Variants in MYBPC1 observed in about 807,000 individuals in gnomAD.
MYBPC1 encodes myosin-binding protein C, slow-type.
MYBPC1 carries 52 observed loss-of-function variants against 147.1 expected under a neutral mutation model. That is an observed-to-expected ratio of 0.35 (90% CI 0.28 to 0.45). The LOEUF (loss-of-function observed/expected upper bound fraction) is 0.45, where lower values mean the gene tolerates loss of function less well. Among genes scored for constraint, MYBPC1 ranks in the 20% least tolerant of loss-of-function variants. The pLI is 1.00. For synonymous variants in MYBPC1, 477 were observed against 475.9 expected, an observed-to-expected ratio of 1.00 and a Z score of -0.03; for missense variants, 1,228 against 1,440.3, an observed-to-expected ratio of 0.85 and a Z score of 2.39.
Position 101,685,774 on chromosome 12 carries a change from C to A in MYBPC1, c.*212C>A, listed in dbSNP as rs375360626. The A allele has an allele frequency of 2.3e-6, 2 of 867,168 alleles. No homozygotes were observed. The highest frequency in any genetic ancestry group is 3.4e-6 in the Non-Finnish European group (2 of 593,674). 53.7% of individuals were successfully genotyped at this position (867,168 alleles called of 1,614,324 possible). On this transcript the variant is annotated 3_prime_UTR_variant, in exon 32 of 32. Coordinates refer to ENST00000361466, the MANE Select transcript of MYBPC1 (RefSeq NM_002465.4). The stretch of plus-strand genomic sequence containing the variant: ...ATTTTCTGTTTTCCCACCAGGCCCC[C>A]AAGTGTGGTCTTTTTCTTTCCTCCT...
In MYBPC1 at chr12:101,685,988, CT is replaced by C. The variant is rs891524416; in HGVS notation, c.*435del. On this transcript the variant is annotated 3_prime_UTR_variant, in exon 32 of 32. Coordinates refer to ENST00000361466, the MANE Select transcript of MYBPC1 (RefSeq NM_002465.4). Reference sequence around the variant, plus strand: ...TTGTTTACATAGTAGGCTATAAATGCTTTTTTTTTCCTCTCAGAGTAAAAAA... The same window carrying C: ...TTGTTTACATAGTAGGCTATAAATGCTTTTTTTTCCTCTCAGAGTAAAAAA... 1.7e-4 allele frequency: 30 copies of C among 175,222 alleles called. No individual in the cohort carries two copies. The highest frequency in any genetic ancestry group is 2.9e-4 in the South Asian group (2 of 6,878). 10.9% of individuals were successfully genotyped at this position (175,222 alleles called of 1,614,324 possible). A position where few individuals can be genotyped will look rare whatever the true frequency, so the allele number is the denominator to read the frequency against.
chr12:101,607,970 C>T (rs1882882723), intron 1 of MYBPC1, among the ~76,000 whole-genome samples: 1 of 152,142 alleles, frequency 6.6e-6, no homozygotes, highest in South Asian at 2.1e-4. Flanking sequence ...TACTGGGTCC[C>T]TAGTGTTTCT....
intron 9 of MYBPC1, among the ~76,000 whole-genome samples, chr12:101,636,222 G>A (rs1281166162): frequency 6.6e-6 from 1 of 152,096 alleles, no homozygotes; most frequent in African/African-American, 2.4e-5. Flanking sequence ...ATAAGGCTTT[G>A]TACTTATATA....
intron 1 of MYBPC1, 40 bp downstream of exon 1, chr12:101,595,135 T>TA: frequency 6.5e-7 from 1 of 1,545,684 alleles, no homozygotes; most frequent in African/African-American, 1.4e-5. Context: ...TACTCCTGAA[T>TA]AAAGTGTTTA....
At chr12:101,694,066 G>A in the MYBPC1 span, among the ~76,000 whole-genome samples, 77,946 of 152,012 alleles carry the variant, frequency 0.51, 20,988 homozygotes, top group Admixed American at 0.6. Context: ...ACACCATCGA[G>A]CTGCCATGTA....
intron 1 of MYBPC1, among the ~76,000 whole-genome samples, chr12:101,604,258 A>G (rs1357087363): frequency 6.6e-6 from 1 of 152,202 alleles, no homozygotes; most frequent in Non-Finnish European, 1.5e-5. Flanking sequence ...CCTGAGATGA[A>G]ACTTGCATAA....
chr12:101,675,591 G>A (rs1422294648), intron 26 of MYBPC1, among the ~76,000 whole-genome samples, 160 bp downstream of exon 26: 3 of 152,230 alleles, frequency 2.0e-5, no homozygotes, highest in Admixed American at 6.5e-5. Flanking sequence ...CACAGAGCTG[G>A]TCTTAAACCC....
intron 1 of MYBPC1, among the ~76,000 whole-genome samples, chr12:101,606,291 T>C (rs987448132): frequency 4.6e-5 from 7 of 152,088 alleles, no homozygotes; most frequent in Admixed American, 1.3e-4. Context: ...TTACACATTA[T>C]GTATCCTCTG....
chr12:101,631,870 C>A, intron 7 of MYBPC1, 151 bp downstream of exon 7: 2 of 1,336,268 alleles, frequency 1.5e-6, no homozygotes, highest in Non-Finnish European at 2.1e-6. Context: ...TTGCGATTGC[C>A]CGGCTGTGTC....
chr12:101,640,838 A>G (rs780886595), intron 10 of MYBPC1, among the ~76,000 whole-genome samples: 50 of 152,162 alleles, frequency 3.3e-4, no homozygotes, highest in Non-Finnish European at 6.3e-4. Flanking sequence ...GAGTGTAAAG[A>G]TGACACTCCA....
intron 28 of MYBPC1, among the ~76,000 whole-genome samples, chr12:101,678,534 A>G (rs946984587): frequency 6.6e-6 from 1 of 152,260 alleles, no homozygotes; most frequent in Non-Finnish European, 1.5e-5. Context: ...TTGGAAAATT[A>G]GGTGGTAATG....
chr12:101,678,345 G>GGATGGGGGATTAGAAGGTGGT, intron 28 of MYBPC1, 107 bp downstream of exon 28: 1 of 1,489,236 alleles, frequency 6.7e-7, no homozygotes, highest in South Asian at 1.1e-5. Flanking sequence ...TGTCTTCCCA[G>GGATGGGGGATTAGAAGGTGGT]GATGGGGGAT....
At chr12:101,617,385 A>G (rs1886372825) in intron 3 of MYBPC1, 142 bp downstream of exon 3, 2 of 826,160 alleles carry the variant, frequency 2.4e-6, no homozygotes, top group East Asian at 2.7e-5. Flanking sequence ...GCAAGTCCCA[A>G]TCAGTATAAT....
rs776992665 is a variant in MYBPC1 at position 101,661,219 on chromosome 12, G to A, written c.1989G>A (p.Met663Ile). 3 of 1,613,882 alleles carry A rather than the reference G, an allele frequency of 1.9e-6. No individual in the cohort carries two copies. Among genetic ancestry groups the A allele is most frequent in the South Asian group, 1.1e-5 (1 of 91,040 alleles). ...VTEVGDDWCIMNWEPPAYDGG... is the reference protein window; with the variant it reads ...VTEVGDDWCIINWEPPAYDGG... ...AGGTGGGAGATGACTGGTGTATCATGAACTGGGAGCCTCCTGCCTACGACG... is the reference window on the plus strand; with the variant it reads ...AGGTGGGAGATGACTGGTGTATCATAAACTGGGAGCCTCCTGCCTACGACG... Residue 663 changes from methionine to isoleucine, a missense_variant, in exon 20 of 32, where the codon ATG becomes ATA. Met to Ile is a conservative substitution (Grantham distance 10). Around this residue, in one of 2 missense-constraint regions of MYBPC1, gnomAD observed 1,077 missense variants for 1,314.2 expected, o/e 0.82. Transcript: ENST00000361466.
At chr12:101,642,395 T>C (rs765061483) in intron 10 of MYBPC1, 24 bp from the exon 11 acceptor site, 4 of 1,613,542 alleles carry the variant, frequency 2.5e-6, no homozygotes, top group Non-Finnish European at 3.4e-6. Context: ...GCTACTAAAC[T>C]AGACCATGGT....
chr12:101,681,583 TATATATATA>T (rs1364259165), intron 29 of MYBPC1, among the ~76,000 whole-genome samples: 32 of 31,558 alleles, frequency 1.0e-3, no homozygotes, highest in Non-Finnish European at 1.5e-3. Context: ...TATATATATA[TATATATATA>T]TTTTTTTTTT....
At chr12:101,649,487 C>A in intron 15 of MYBPC1, 61 bp downstream of exon 15, 1 of 1,577,536 alleles carries the variant, frequency 6.3e-7, no homozygotes. Context: ...TGTGTTAATT[C>A]GGTTTCAGAA....
chr12:101,675,324 G>A lies in MYBPC1; in HGVS notation c.2842G>A (p.Glu948Lys). 6.2e-7 allele frequency: 1 copy of A among 1,614,020 alleles called. No homozygotes were observed. The highest frequency in any genetic ancestry group is 2.2e-5 in the East Asian group (1 of 44,878). ...RPGPPQIVKI[E>K]DVWGENVALT... ...AGGTCCACCCCAAATTGTGAAGATT[G>A]AGGATGTCTGGGGAGAAAATGTCGC... is the stretch of plus-strand genomic sequence containing the variant. The change falls in exon 26 of 32, where the codon GAG (glutamate) becomes AAG (lysine). Residue 948 changes from glutamate to lysine, a missense_variant. Physicochemically the swap from Glu to Lys is moderately conservative, Grantham distance 56. Around this residue, in one of 2 missense-constraint regions of MYBPC1, gnomAD observed 1,077 missense variants for 1,314.2 expected, o/e 0.82. Coordinates refer to ENST00000361466, the MANE Select transcript of MYBPC1 (RefSeq NM_002465.4).
intron 15 of MYBPC1, chr12:101,650,965 G>A: frequency 2.2e-6 from 1 of 451,236 alleles, no homozygotes; most frequent in Non-Finnish European, 4.1e-6. Flanking sequence ...ATAGATGTTT[G>A]AGGTGTGAGT....
Sources: gnomAD v4.1 joint callset for allele counts (sites outside exome capture counted in the v4.1 genomes callset) on GRCh38, gnomAD v4.1.1 for gene constraint, gnomAD v4.1.1 regional missense constraint, MANE v1.5 for transcripts, NCBI Gene and HGNC (gene_info 2026-07-23, HGNC 2026-07-21) for gene names.